BTG4: variants seen among roughly 807,000 people sequenced by gnomAD.
BTG4 encodes the protein protein BTG4.
In BTG4, 10 loss-of-function variants were observed where a neutral mutation model predicts 19.3. The ratio of observed to expected loss-of-function variants is 0.52; its 90% confidence interval spans 0.32 to 0.88. The LOEUF (loss-of-function observed/expected upper bound fraction) is 0.88, where lower values mean the gene tolerates loss of function less well. Ranked by LOEUF, BTG4 falls within the 40% of genes least tolerant of loss-of-function variation. The pLI is 0.04. For missense variants in BTG4, 238 were observed against 281.9 expected (o/e 0.84, Z 1.11); for synonymous variants, 91 against 95.7 (o/e 0.95, Z 0.29).
At chr11:111,474,104 A>G (rs532030194) in intron 5 of BTG4, among the ~76,000 whole-genome samples, 1 of 152,268 alleles carries the variant, frequency 6.6e-6, no homozygotes, top group East Asian at 1.9e-4. Context: ...GAAACTAGCA[A>G]CCTAGAGAAA....
chr11:111,455,345 AG>A, the BTG4 span: 1 of 291,060 alleles, frequency 3.4e-6, no homozygotes, highest in South Asian at 3.3e-5. Flanking sequence ...TGGTGGCTGT[AG>A]CGCCTGCAGG....
chr11:111,512,816 T>C, upstream of BTG4: 2 of 316,254 alleles, frequency 6.3e-6, no homozygotes, highest in Non-Finnish European at 1.2e-5. Context: ...CCCGGGGGTG[T>C]CCTCGGGGGC....
At chr11:111,401,229 G>C in the BTG4 span, among the ~76,000 whole-genome samples, 2 of 152,150 alleles carry the variant, frequency 1.3e-5, no homozygotes, top group Non-Finnish European at 2.9e-5. Flanking sequence ...GCTCACGCCT[G>C]TAATCCCAGC....
At chr11:111,396,989 A>G in the BTG4 span, 1 of 152,248 alleles carries the variant, frequency 6.6e-6, no homozygotes, top group Admixed American at 6.5e-5. Context: ...GAGAACATAT[A>G]AACTCTGAAG....
At chr11:111,497,189 A>G in intron 4 of BTG4, 22 bp downstream of exon 4, 1 of 1,596,374 alleles carries the variant, frequency 6.3e-7, no homozygotes, top group Non-Finnish European at 8.6e-7. Context: ...AAAGTATAGA[A>G]AAGAACTGGA....
chr11:111,446,893 G>T, the BTG4 span, among the ~76,000 whole-genome samples: 1 of 152,182 alleles, frequency 6.6e-6, no homozygotes, highest in Admixed American at 6.5e-5. Context: ...TGGCTACTGA[G>T]CACTTGAAAT....
chr11:111,427,624 G>A, the BTG4 span, among the ~76,000 whole-genome samples: 2 of 152,172 alleles, frequency 1.3e-5, no homozygotes, highest in East Asian at 1.9e-4. Context: ...GAGAAGAGGA[G>A]CAGATTAATA....
chr11:111,454,917 C>A, the BTG4 span: 1 of 444,140 alleles, frequency 2.3e-6, no homozygotes, highest in Non-Finnish European at 4.6e-6. Flanking sequence ...GGCTGGGTGG[C>A]TCCGGGAACA....
At chr11:111,498,232 C>T in intron 2 of BTG4, 97 bp from the exon 3 acceptor site, 2 of 1,344,774 alleles carry the variant, frequency 1.5e-6, no homozygotes, top group South Asian at 2.6e-5. Flanking sequence ...ATAGCTCCCA[C>T]CTCATCCCCT....
At chr11:111,395,597 C>CCAGCAGCAA in the BTG4 span, among the ~76,000 whole-genome samples, 1 of 152,256 alleles carries the variant, frequency 6.6e-6, no homozygotes. Flanking sequence ...AGATTTTCAA[C>CCAGCAGCAA]TGGTTTCTAC....
chr11:111,396,234 C>G, the BTG4 span, among the ~76,000 whole-genome samples: 1 of 152,222 alleles, frequency 6.6e-6, no homozygotes, highest in African/African-American at 2.4e-5. Context: ...AGAATGGTCC[C>G]TCCTGTTATA....
At chr11:111,439,512 C>A in the BTG4 span, among the ~76,000 whole-genome samples, 8 of 152,046 alleles carry the variant, frequency 5.3e-5, 1 homozygote, top group Admixed American at 5.2e-4. Context: ...GTGCCCCCCA[C>A]CGCCCTCTAC....
At chr11:111,444,823 C>T in the BTG4 span, among the ~76,000 whole-genome samples, 1 of 151,966 alleles carries the variant, frequency 6.6e-6, no homozygotes, top group Non-Finnish European at 1.5e-5. Flanking sequence ...TGGCTGAAGA[C>T]GTTAGGAAAG....
chr11:111,386,938 T>G, the BTG4 span, among the ~76,000 whole-genome samples: 9 of 152,336 alleles, frequency 5.9e-5, no homozygotes, highest in African/African-American at 2.2e-4. Context: ...GATTATGTAA[T>G]TTAGAGTCAG....
intron 4 of BTG4, among the ~76,000 whole-genome samples, chr11:111,495,906 G>A (rs1865696754): frequency 6.6e-6 from 1 of 152,106 alleles, no homozygotes; most frequent in East Asian, 1.9e-4. Context: ...TTGGTTATAA[G>A]ACTGAGGAAA....
the BTG4 span, among the ~76,000 whole-genome samples, chr11:111,432,627 G>C: frequency 1.7e-4 from 26 of 151,252 alleles, no homozygotes; most frequent in African/African-American, 6.3e-4. Context: ...CTGGGCAACA[G>C]AGCAAAGCTC....
chr11:111,475,579 T>C (rs1864353216), intron 5 of BTG4, among the ~76,000 whole-genome samples: 2 of 152,164 alleles, frequency 1.3e-5, no homozygotes, highest in Admixed American at 6.5e-5. Flanking sequence ...AGCAGTCATC[T>C]GAAAGTGAAG....
chr11:111,433,694 TA>T, the BTG4 span, among the ~76,000 whole-genome samples: 1 of 95,426 alleles, frequency 1.0e-5, no homozygotes, highest in East Asian at 3.1e-4. Flanking sequence ...ACAAAGAACT[TA>T]AACAAATTTA....
the BTG4 span, among the ~76,000 whole-genome samples, chr11:111,422,454 A>C: frequency 4.6e-5 from 7 of 151,774 alleles, no homozygotes. Flanking sequence ...TGCTCACCCC[A>C]CCCTGCCACC....
Sources: allele counts gnomAD v4.1 joint callset (sites outside exome capture counted in the v4.1 genomes callset), GRCh38; gene constraint gnomAD v4.1.1; transcripts MANE v1.5; gene names NCBI Gene and HGNC (gene_info 2026-07-23, HGNC 2026-07-21).